Variants in PTPRZ1 observed in about 807,000 individuals in gnomAD.
PTPRZ1 encodes protein tyrosine phosphatase receptor type Z1, also known as receptor-type tyrosine-protein phosphatase zeta.
In PTPRZ1, 82 loss-of-function variants were observed where a neutral mutation model predicts 214.1. The observed-to-expected ratio is 0.38, with a 90% CI of 0.32 to 0.46. The LOEUF is 0.46. PTPRZ1 is among the 20% of genes least tolerant of loss of function. The pLI, the probability that PTPRZ1 is intolerant of heterozygous loss-of-function variation, is 1.00. For synonymous variants in PTPRZ1, 945 were observed against 987.9 expected, an observed-to-expected ratio of 0.96 and a Z score of 0.81; for missense variants, 2,603 against 2,748.7, an observed-to-expected ratio of 0.95 and a Z score of 1.19.
chr7:121,873,507 T>G lies in PTPRZ1; in HGVS notation c.8T>G (p.Ile3Ser), dbSNP rs740965. The part of the protein sequence containing the change: MR[I>S]LKRFLACIQL... ...GCCGCAGACCGTCTGGAAATGCGAA[T>G]CCTAAAGCGTTTCCTCGCTTGCATT... Residue 3 changes from isoleucine (I) to serine (S), a missense_variant, in exon 1 of 30, where the codon ATC (isoleucine) becomes AGC (serine). Physicochemically the swap from Ile to Ser is moderately radical, Grantham distance 142. Transcript: ENST00000393386. 243,396 of 1,613,394 alleles carry G rather than the reference T, an allele frequency of 0.15. 20,543 individuals are homozygous for G. The highest frequency in any genetic ancestry group is 0.32 in the East Asian group (14,351 of 44,828).
chr7:122,058,126 C>T (rs532408634), intron 27 of PTPRZ1, among the ~76,000 whole-genome samples: 106 of 151,984 alleles, frequency 7.0e-4, no homozygotes, highest in South Asian at 3.5e-3. Context: ...TTAATTTCCT[C>T]TATTGTTTTT....
intron 2 of PTPRZ1, among the ~76,000 whole-genome samples, chr7:121,957,674 GCA>G (rs1796749163): frequency 6.6e-6 from 1 of 152,148 alleles, no homozygotes; most frequent in Non-Finnish European, 1.5e-5. Flanking sequence ...GATTTAATTT[GCA>G]CAGTCTGAGA....
intron 2 of PTPRZ1, among the ~76,000 whole-genome samples, chr7:121,964,680 C>T (rs1157322905): frequency 6.6e-6 from 1 of 151,852 alleles, no homozygotes; most frequent in Admixed American, 6.6e-5. Flanking sequence ...AAAAATGAAG[C>T]AGGGAGAGGG....
chr7:121,953,610 A>G (rs1333086833), intron 2 of PTPRZ1, among the ~76,000 whole-genome samples: 13 of 152,216 alleles, frequency 8.5e-5, no homozygotes, highest in Admixed American at 8.5e-4. Context: ...AATTTTTGGC[A>G]TTATTTCAGT....
intron 14 of PTPRZ1, among the ~76,000 whole-genome samples, chr7:122,031,217 T>C (rs1274577718): frequency 5.9e-5 from 9 of 152,010 alleles, no homozygotes; most frequent in Admixed American, 5.9e-4. Flanking sequence ...ATTTATAAAT[T>C]AACATTGAAA....
intron 11 of PTPRZ1, among the ~76,000 whole-genome samples, chr7:122,008,924 C>T (rs892451090): frequency 1.3e-5 from 2 of 152,070 alleles, no homozygotes; most frequent in African/African-American, 4.8e-5. Flanking sequence ...TTTCCTTTTG[C>T]ATTAAGTTTT....
intron 8 of PTPRZ1, among the ~76,000 whole-genome samples, chr7:121,986,407 A>G: frequency 6.6e-6 from 1 of 152,212 alleles, no homozygotes; most frequent in Non-Finnish European, 1.5e-5. Context: ...TGCTTACATA[A>G]AAAACTGATG....
chr7:121,938,024 TG>T (rs1431785082), intron 2 of PTPRZ1, among the ~76,000 whole-genome samples: 4 of 152,290 alleles, frequency 2.6e-5, no homozygotes, highest in Non-Finnish European at 5.9e-5. Flanking sequence ...ATATTTCATA[TG>T]TTTATATATA....
In PTPRZ1 at chr7:122,051,423, C is replaced by A. The variant is rs1336526699; in HGVS notation, c.6085-5C>A. On this transcript the variant is annotated splice_polypyrimidine_tract_variant and splice_region_variant and intron_variant, in intron 23 of 29. Transcript: ENST00000393386. ...ACCTATATATTTTTTTACTTTCTTG[C>A]CCAGCTCCTGAGCCAGTCAAATATA... 60 of 1,608,464 alleles carry A rather than the reference C, an allele frequency of 3.7e-5. No homozygotes were observed. Among genetic ancestry groups the A allele is most frequent in the Non-Finnish European group, 5.0e-5 (59 of 1,176,956 alleles).
At chr7:122,030,445 T>C (rs1388895483) in intron 14 of PTPRZ1, among the ~76,000 whole-genome samples, 1 of 152,056 alleles carries the variant, frequency 6.6e-6, no homozygotes, top group Non-Finnish European at 1.5e-5. Flanking sequence ...TTCTGTTTTC[T>C]TATCTAATTA....
At chr7:122,051,606 G>A (rs1265163678) in intron 24 of PTPRZ1, 85 bp downstream of exon 24, 7 of 1,051,864 alleles carry the variant, frequency 6.7e-6, no homozygotes, top group Non-Finnish European at 1.0e-5. Flanking sequence ...GTATACCTTT[G>A]GAGCAAATGG....
intron 8 of PTPRZ1, among the ~76,000 whole-genome samples, chr7:121,990,865 A>C (rs1369540713): frequency 6.6e-6 from 1 of 152,190 alleles, no homozygotes; most frequent in East Asian, 1.9e-4. Context: ...TGAGTACTAC[A>C]TGTGAATAAC....
intron 6 of PTPRZ1, among the ~76,000 whole-genome samples, chr7:121,978,434 A>G (rs1026775412): frequency 6.6e-6 from 1 of 152,198 alleles, no homozygotes; most frequent in African/African-American, 2.4e-5. Flanking sequence ...GAATCTTACA[A>G]TCATAGTGGA....
At chr7:122,001,935 A>G (rs1385809247) in intron 10 of PTPRZ1, among the ~76,000 whole-genome samples, 1 of 152,282 alleles carries the variant, frequency 6.6e-6, no homozygotes, top group East Asian at 1.9e-4. Flanking sequence ...AAGCCAGTAT[A>G]ATTTTTGAAC....
chr7:121,976,758 T>G (rs1369168134), intron 5 of PTPRZ1, 27 bp from the exon 6 acceptor site: 8 of 1,535,244 alleles, frequency 5.2e-6, no homozygotes, highest in East Asian at 2.3e-5. Flanking sequence ...TTTATTCTTT[T>G]TTTAGAATGT....
chr7:121,912,028 TGAAGCATTTTCCAGTGTATGAAACTAA>T (rs1795293083), intron 1 of PTPRZ1, among the ~76,000 whole-genome samples: 1 of 152,134 alleles, frequency 6.6e-6, no homozygotes, highest in Admixed American at 6.6e-5. Context: ...AAAATTATGA[TGAAGCATTTTCCAGTGTATGAAACTAA>T]GATTCTTTTA....
At chr7:121,978,817 C>T (rs1797518392) in intron 6 of PTPRZ1, among the ~76,000 whole-genome samples, 1 of 152,176 alleles carries the variant, frequency 6.6e-6, no homozygotes, top group Admixed American at 6.5e-5. Context: ...GACAACTACC[C>T]AAACCAAATA....
rs533269057 is a variant in PTPRZ1, at chr7:121,977,903, A to T, written c.619+1052A>T. ...CTATACTTAAAAAAATGTGTAAGAT[A>T]TGAATTCTGAATGTTCCAGACCTTG... On this transcript the variant is annotated intron_variant, in intron 6 of 29. Transcript: ENST00000393386. Among the ~76,000 whole-genome samples, 199 of 152,262 alleles carry T rather than the reference A, an allele frequency of 1.3e-3. 3 individuals carry two copies. Among genetic ancestry groups the T allele is most frequent in the Non-Finnish European group, 5.3e-4 (36 of 68,008 alleles).
At chr7:121,908,408 C>A in intron 1 of PTPRZ1, 1 of 370,762 alleles carries the variant, frequency 2.7e-6, no homozygotes, top group Non-Finnish European at 5.2e-6. Flanking sequence ...TTAATTTTAT[C>A]CTATTTTTTC....
Sources: allele counts gnomAD v4.1 joint callset (sites outside exome capture counted in the v4.1 genomes callset), GRCh38; gene constraint gnomAD v4.1.1; transcripts MANE v1.5; gene names NCBI Gene and HGNC (gene_info 2026-07-23, HGNC 2026-07-21).